The following PPM1H variants were observed in gnomAD, a reference collection of about 807,000 sequenced individuals.
The protein encoded by PPM1H is protein phosphatase 1H.
PPM1H carries 27 observed loss-of-function variants against 54.9 expected under a neutral mutation model. The ratio of observed to expected loss-of-function variants is 0.49; its 90% CI spans 0.36 to 0.68. The LOEUF (loss-of-function observed/expected upper bound fraction) is 0.68, where lower values mean the gene tolerates loss of function less well. PPM1H is among the 30% of genes least tolerant of loss of function. The pLI is 0.00. For missense variants in PPM1H, 596 were observed against 667.8 expected (o/e 0.89, Z 1.19); for synonymous variants, 305 against 270.8 (o/e 1.13, Z -1.24).
chr12:62,853,452 A>G (rs1001586812), intron 1 of PPM1H, among the ~76,000 whole-genome samples: 7 of 152,252 alleles, frequency 4.6e-5, no homozygotes, highest in Admixed American at 3.9e-4. Context: ...ATGTGAAAAC[A>G]TATGTAAAAT....
chr12:62,657,134 T>C (rs1320032191), intron 9 of PPM1H, among the ~76,000 whole-genome samples: 1 of 152,106 alleles, frequency 6.6e-6, no homozygotes, highest in African/African-American at 2.4e-5. Flanking sequence ...ATTGGGAGTT[T>C]GTGTGCTGCC....
chr12:62,888,771 C>A (rs1302826988), intron 1 of PPM1H, among the ~76,000 whole-genome samples: 1 of 152,154 alleles, frequency 6.6e-6, no homozygotes, highest in Non-Finnish European at 1.5e-5. Context: ...GATATACAAG[C>A]AACTTTACAG....
rs1401948819 is a variant in PPM1H at position 62,849,229 on chromosome 12, A to AAAG, written c.246-16951_246-16950insCTT. Among the ~76,000 whole-genome samples, 3 of 152,222 alleles carry AAAG rather than the reference A, an allele frequency of 2.0e-5. No individual in the cohort carries two copies. In the East Asian group the frequency reaches 5.8e-4, roughly 29 times the overall value. On this transcript the variant is annotated intron_variant, in intron 1 of 9. Transcript: ENST00000228705. Reference sequence around the variant, plus strand: ...ATCTGGGACAACTCTTTTTATATCAAAGATAATGATACACTATCTAAATTA... The same window carrying AAAG: ...ATCTGGGACAACTCTTTTTATATCAAAAGAGATAATGATACACTATCTAAATTA...
intron 5 of PPM1H, among the ~76,000 whole-genome samples, chr12:62,730,628 C>A (rs768904730): frequency 2.0e-5 from 3 of 151,978 alleles, no homozygotes; most frequent in Non-Finnish European, 4.4e-5. Flanking sequence ...AATCAAAATA[C>A]GAATTTTCCG....
intron 6 of PPM1H, among the ~76,000 whole-genome samples, chr12:62,709,489 G>A (rs1331337797): frequency 1.3e-5 from 2 of 152,158 alleles, no homozygotes; most frequent in African/African-American, 2.4e-5. Flanking sequence ...TGCTGGCACA[G>A]TGCCCTTTGC....
chr12:62,749,677 T>C (rs2076430697), intron 4 of PPM1H, among the ~76,000 whole-genome samples: 1 of 152,216 alleles, frequency 6.6e-6, no homozygotes, highest in African/African-American at 2.4e-5. Context: ...ATTTTCAGAA[T>C]GGAAACTACT....
In PPM1H at chr12:62,667,328, A is replaced by T; in HGVS notation, c.1247T>A (p.Val416Glu). 6.3e-7 allele frequency: 1 copy of T among 1,578,696 alleles called. No homozygotes were observed. Among genetic ancestry groups the T allele is most frequent in the Non-Finnish European group, 8.6e-7 (1 of 1,161,422 alleles). ...ATATTTTGAAAGATCGTAGATTCTT[A>T]CCTGAAAAAAAACAAGAATACTACC... ...IKPFLSSAPE[V>E]RIYDLSKYDH... Residue 416 changes from valine to glutamate, a missense_variant and splice_region_variant, in exon 9 of 10, where the codon GTA (valine) becomes GAA (glutamate). Physicochemically the swap from Val to Glu is moderately radical, Grantham distance 121 (BLOSUM62 -2). Around this residue, in one of 3 missense-constraint regions of PPM1H, gnomAD observed 208 missense variants for 259.5 expected, o/e 0.80. Coordinates refer to ENST00000228705, the MANE Select transcript of PPM1H (RefSeq NM_020700.2).
Position 62,926,886 on chromosome 12 carries a change from G to A in PPM1H, c.245+7606C>T, listed in dbSNP as rs188137574. On this transcript the variant is annotated intron_variant, in intron 1 of 9. Transcript: ENST00000228705. The stretch of plus-strand genomic sequence containing the variant: ...GGAGAACTGCTTGCACCCGGGAGGC[G>A]GAGGTTGCAGTGAGCCAAGATTGTG... Among the ~76,000 whole-genome samples the A allele has an allele frequency of 2.8e-3, 423 of 152,232 alleles. 1 individual carries two copies. Among genetic ancestry groups the A allele is most frequent in the Non-Finnish European group, 4.4e-3 (301 of 68,006 alleles).
chr12:62,837,922 C>T (rs538953942), intron 1 of PPM1H, among the ~76,000 whole-genome samples: 1 of 152,294 alleles, frequency 6.6e-6, no homozygotes, highest in South Asian at 2.1e-4. Context: ...AGGGACAAGG[C>T]ATGACACTTC....
At chr12:62,750,625 A>G (rs1190509244) in intron 4 of PPM1H, among the ~76,000 whole-genome samples, 3 of 152,200 alleles carry the variant, frequency 2.0e-5, no homozygotes, top group Non-Finnish European at 2.9e-5. Flanking sequence ...TCTCTTGGGC[A>G]TATACCCAGG....
At chr12:62,887,544 AAGTGCTAG>A (rs1870635131) in intron 1 of PPM1H, among the ~76,000 whole-genome samples, 1 of 152,212 alleles carries the variant, frequency 6.6e-6, no homozygotes, top group South Asian at 2.1e-4. Context: ...GCACTATACT[AAGTGCTAG>A]GCTGTTTTAG....
intron 5 of PPM1H, among the ~76,000 whole-genome samples, chr12:62,729,569 G>C (rs2076308370): frequency 6.6e-6 from 1 of 152,170 alleles, no homozygotes; most frequent in Non-Finnish European, 1.5e-5. Context: ...CTGTGTAGCT[G>C]GCCTCCCGAT....
intron 8 of PPM1H, among the ~76,000 whole-genome samples, chr12:62,684,043 T>C (rs2076038248): frequency 6.6e-6 from 1 of 152,154 alleles, no homozygotes; most frequent in Non-Finnish European, 1.5e-5. Context: ...CCTATCCTTC[T>C]CCACTGAACT....
intron 1 of PPM1H, among the ~76,000 whole-genome samples, chr12:62,854,190 T>C (rs541695880): frequency 1.3e-5 from 2 of 152,330 alleles, no homozygotes; most frequent in South Asian, 4.1e-4. Context: ...GCACATTTAC[T>C]GTTGAACTCT....
chr12:62,659,106 G>A, intron 9 of PPM1H: 1 of 732,282 alleles, frequency 1.4e-6, no homozygotes, highest in Non-Finnish European at 2.5e-6. Flanking sequence ...ATCTTACTGT[G>A]CTGAGATCAT....
intron 5 of PPM1H, chr12:62,720,992 C>T (rs1376122039): frequency 6.6e-6 from 1 of 152,350 alleles, no homozygotes; most frequent in Non-Finnish European, 1.5e-5. Context: ...ACTAACTTCT[C>T]TACTCAGAGG....
At position 62,689,820 on chromosome 12, in the gene PPM1H, C is replaced by T; in HGVS notation, c.1138-14G>A. ...CATTACCCGGGCCTAGGAGTATAAG[C>T]AGAGGGTCATCAGAAACACGCACAC... is the stretch of plus-strand genomic sequence containing the variant. On this transcript the variant is annotated splice_polypyrimidine_tract_variant and intron_variant, in intron 7 of 9. Transcript: ENST00000228705. The T allele has an allele frequency of 1.9e-6, 3 of 1,584,770 alleles. No homozygotes were observed. The Middle Eastern group carries it at 5.0e-4, about 264-fold the overall frequency.
At chr12:62,690,197 C>A (rs2076075606) in intron 7 of PPM1H, among the ~76,000 whole-genome samples, 1 of 152,114 alleles carries the variant, frequency 6.6e-6, no homozygotes, top group Non-Finnish European at 1.5e-5. Context: ...TCCATCCATC[C>A]ATCCACCCAC....
At chr12:62,871,111 T>C (rs2121003259) in intron 1 of PPM1H, among the ~76,000 whole-genome samples, 1 of 152,340 alleles carries the variant, frequency 6.6e-6, no homozygotes, top group South Asian at 2.1e-4. Context: ...TACATTAATG[T>C]TCATAACAGC....
Sources: allele counts gnomAD v4.1 joint callset (sites outside exome capture counted in the v4.1 genomes callset), GRCh38; gene constraint gnomAD v4.1.1; regional missense constraint gnomAD v4.1.1; transcripts MANE v1.5; gene names NCBI Gene and HGNC (gene_info 2026-07-23, HGNC 2026-07-21).